MMP24: variants seen among roughly 807,000 people sequenced by gnomAD.
MMP24 encodes the protein matrix metalloproteinase-24.
Under a neutral mutation model 62.8 loss-of-function variants are expected in MMP24, and 25 were observed. That is an observed-to-expected ratio of 0.40 (90% CI 0.29 to 0.56). The LOEUF is 0.56. Among genes scored for constraint, MMP24 ranks in the 20% least tolerant of loss-of-function variants. The pLI, the probability that MMP24 is intolerant of heterozygous loss-of-function variation, is 0.50. For missense variants in MMP24, 634 were observed against 853.6 expected, an observed-to-expected ratio of 0.74 and a Z score of 3.21; for synonymous variants, 319 against 350.5, an observed-to-expected ratio of 0.91 and a Z score of 1.00.
intron 4 of MMP24, among the ~76,000 whole-genome samples, chr20:35,262,030 G>C (rs1429212883): frequency 6.6e-6 from 1 of 152,136 alleles, no homozygotes; most frequent in East Asian, 1.9e-4. Context: ...TCGAACTCCT[G>C]ACCTCAAGTG....
At chr20:35,234,056 C>T (rs922093918) in intron 1 of MMP24, among the ~76,000 whole-genome samples, 1 of 152,214 alleles carries the variant, frequency 6.6e-6, no homozygotes, top group Admixed American at 6.5e-5. Context: ...ATCTCTCTGA[C>T]TTCCTTTTAT....
chr20:35,231,207 A>G (rs2060435924), intron 1 of MMP24, among the ~76,000 whole-genome samples: 1 of 152,238 alleles, frequency 6.6e-6, no homozygotes, highest in South Asian at 2.1e-4. Context: ...CACAGGCCAC[A>G]TGAATAAGTA....
At chr20:35,249,382 G>C (rs961904597) in intron 2 of MMP24, among the ~76,000 whole-genome samples, 5 of 152,154 alleles carry the variant, frequency 3.3e-5, no homozygotes, top group Admixed American at 6.5e-5. Context: ...TCATTCATTT[G>C]GTCAACAACA....
At chr20:35,273,261 T>C (rs1183518093) in intron 8 of MMP24, among the ~76,000 whole-genome samples, 11 of 151,280 alleles carry the variant, frequency 7.3e-5, no homozygotes, top group Non-Finnish European at 4.4e-5. Context: ...CTGGGCGTGG[T>C]GACATGTGCC....
Position 35,271,578 on chromosome 20 carries a change from A to G in MMP24, c.1343A>G (p.Tyr448Cys). The change falls in exon 8 of 9, where the codon TAT (tyrosine) becomes TGT (cysteine). Residue 448 changes from tyrosine (Y) to cysteine (C), a missense_variant. Around this residue, in one of 3 missense-constraint regions of MMP24, gnomAD observed 399 missense variants for 530.8 expected, o/e 0.75. Coordinates refer to ENST00000246186, the MANE Select transcript of MMP24 (RefSeq NM_006690.4). The surrounding 1 kb of genome is among the most constrained non-coding windows in gnomAD (Gnocchi z 4.0). ...GRFVFFKGDK[Y>C]WVFKEVTVEP... ...CTCCTCTTGGCCACAGGTGACAAGT[A>G]TTGGGTGTTTAAGGAGGTGACGGTG... 4 of 1,613,124 alleles carry G rather than the reference A, an allele frequency of 2.5e-6. No individual in the cohort carries two copies. Among genetic ancestry groups the G allele is most frequent in the Non-Finnish European group, 3.4e-6 (4 of 1,179,588 alleles).
chr20:35,243,622 A>AAGGAGGAGG (rs963358553), intron 1 of MMP24, among the ~76,000 whole-genome samples: 6 of 151,652 alleles, frequency 4.0e-5, no homozygotes, highest in African/African-American at 1.5e-4. Flanking sequence ...GGAGGAGGAG[A>AAGGAGGAGG]AGGAGGAGGA....
intron 4 of MMP24, among the ~76,000 whole-genome samples, chr20:35,261,083 T>C (rs1600796671): frequency 1.3e-5 from 2 of 152,210 alleles, no homozygotes; most frequent in African/African-American, 4.8e-5. Flanking sequence ...AGCAAGGGTC[T>C]GACACTGGGC....
chr20:35,263,770 T>A, intron 4 of MMP24, 21 bp from the exon 5 acceptor site: 1 of 1,497,920 alleles, frequency 6.7e-7, no homozygotes, highest in Non-Finnish European at 8.9e-7. Context: ...CCTGGGCACC[T>A]CCCCACACTC....
chr20:35,241,587 ACT>A (rs1212136606), intron 1 of MMP24, among the ~76,000 whole-genome samples: 1 of 151,926 alleles, frequency 6.6e-6, no homozygotes. Context: ...ATAGATCCTA[ACT>A]CCTGATGTGG....
At position 35,274,464 on chromosome 20, in the gene MMP24, G is replaced by A. The variant is rs1038557445; in HGVS notation, c.1793G>A (p.Gly598Asp). Residue 598 changes from glycine to aspartate, a missense_variant, in exon 9 of 9, where the codon GGC becomes GAC. Gly to Asp is a moderately conservative substitution (Grantham distance 94). Coordinates refer to ENST00000246186, the MANE Select transcript of MMP24 (RefSeq NM_006690.4). The surrounding 1 kb of genome is among the most constrained non-coding windows in gnomAD (Gnocchi z 5.1). The part of the protein sequence containing the change: ...DIMVTINDVP[G>D]SVNAVAVVIP... ...ATGGTGACCATCAACGATGTGCCGG[G>A]CTCCGTGAACGCCGTGGCCGTGGTC... The A allele has an allele frequency of 1.9e-6, 3 of 1,613,918 alleles. No homozygotes were observed. Among genetic ancestry groups the A allele is most frequent in the Non-Finnish European group, 2.5e-6 (3 of 1,179,900 alleles).
intron 4 of MMP24, chr20:35,263,511 T>A (rs755904907): frequency 4.0e-5 from 11 of 273,276 alleles, no homozygotes; most frequent in Non-Finnish European, 6.8e-5. Flanking sequence ...CCTCCAGGTT[T>A]AAATGACCCC....
chr20:35,265,343 G>A (rs112748566), intron 5 of MMP24, among the ~76,000 whole-genome samples: 3,546 of 152,138 alleles, frequency 0.023, 136 homozygotes, highest in African/African-American at 0.077. Context: ...TTGGGAGGCT[G>A]AGGCAGGAGA....
rs1446197748 is a variant in MMP24, at chr20:35,274,071, T to C, written c.1601-201T>C. ...CTCTGGTTTCCTAGCACCCGTAGGA[T>C]GACAGGCGGACCACTCCAGGTCCCG... is the stretch of plus-strand genomic sequence containing the variant. On this transcript the variant is annotated intron_variant, in intron 8 of 8. Coordinates refer to ENST00000246186, the MANE Select transcript of MMP24 (RefSeq NM_006690.4). The surrounding 1 kb of genome is among the most constrained non-coding windows in gnomAD (Gnocchi z 5.1). Among the ~76,000 whole-genome samples, 3 of 152,154 alleles carry C rather than the reference T, an allele frequency of 2.0e-5. No homozygotes were observed. The highest frequency in any genetic ancestry group is 2.4e-5 in the African/African-American group (1 of 41,434).
At chr20:35,268,742 G>A (rs1296094834) in intron 6 of MMP24, among the ~76,000 whole-genome samples, 2 of 152,184 alleles carry the variant, frequency 1.3e-5, no homozygotes, top group African/African-American at 2.4e-5. Flanking sequence ...ACTGAGGCCT[G>A]GAGGCTGGGC....
intron 6 of MMP24, chr20:35,268,011 G>C (rs2425034): frequency 0.16 from 23,806 of 152,732 alleles, 2,013 homozygotes; most frequent in African/African-American, 0.23. Flanking sequence ...ATTTCGATTA[G>C]AGAGTACTTT....
At chr20:35,254,830 G>A in intron 4 of MMP24, 76 bp downstream of exon 4, 1 of 1,467,176 alleles carries the variant, frequency 6.8e-7, no homozygotes, top group African/African-American at 1.4e-5. Flanking sequence ...CATCCTAGAT[G>A]AGTTTCCTGC....
chr20:35,241,396 A>T (rs2060487815), intron 1 of MMP24, among the ~76,000 whole-genome samples: 1 of 151,702 alleles, frequency 6.6e-6, no homozygotes, highest in African/African-American at 2.4e-5. Flanking sequence ...GACTGCCCCC[A>T]CCCCATTTGC....
chr20:35,259,450 C>T (rs2425026), intron 4 of MMP24, among the ~76,000 whole-genome samples: 84,472 of 151,964 alleles, frequency 0.56, 26,208 homozygotes, highest in African/African-American at 0.85. Flanking sequence ...GTGGCAATCA[C>T]GTGGGGAGGA....
chr20:35,274,379 A>G lies in MMP24; in HGVS notation c.1708A>G (p.Asn570Asp). Residue 570 changes from asparagine (N) to aspartate (D), a missense_variant, in exon 9 of 9, where the codon AAC (asparagine) becomes GAC (aspartate). Physicochemically the swap from Asn to Asp is conservative, Grantham distance 23. This residue lies in a region of MMP24 where 399 missense variants were observed against 530.8 expected (regional missense o/e 0.75). Coordinates refer to ENST00000246186, the MANE Select transcript of MMP24 (RefSeq NM_006690.4). This position sits in a 1 kb window ranked among gnomAD's most constrained non-coding sequence, Gnocchi z 5.1. Reference protein sequence around the residue: ...RNILRDWMGCNQKEVERRKER... With the variant: ...RNILRDWMGCDQKEVERRKER... ...CATCCTGCGTGACTGGATGGGCTGC[A>G]ACCAGAAGGAGGTGGAGCGGCGGAA... is the stretch of plus-strand genomic sequence containing the variant. 1 of 1,614,004 alleles carries G rather than the reference A, an allele frequency of 6.2e-7. No homozygotes were observed. The highest frequency in any genetic ancestry group is 1.7e-5 in the Admixed American group (1 of 60,028).
Sources: allele counts gnomAD v4.1 joint callset (sites outside exome capture counted in the v4.1 genomes callset), GRCh38; gene constraint gnomAD v4.1.1; regional missense constraint gnomAD v4.1.1; non-coding constraint Gnocchi (gnomAD v3.1); transcripts MANE v1.5; gene names NCBI Gene and HGNC (gene_info 2026-07-23, HGNC 2026-07-21).